The following NBEA variants were observed in gnomAD, a reference collection of about 807,000 sequenced individuals.
The protein encoded by NBEA is lysosomal-trafficking regulator 2.
Under a neutral mutation model 343.4 loss-of-function variants are expected in NBEA, and 44 were observed. The observed-to-expected ratio is 0.13, with a 90% CI of 0.10 to 0.16. NBEA has a LOEUF of 0.16. Ranked by LOEUF, NBEA falls within the 10% of genes least tolerant of loss-of-function variation. The pLI, the probability that NBEA is intolerant of heterozygous loss-of-function variation, is 1.00. For synonymous variants in NBEA, 1,175 were observed against 1,238.7 expected, an observed-to-expected ratio of 0.95 and a Z score of 1.08; for missense variants, 2,555 against 3,631.3, an observed-to-expected ratio of 0.70 and a Z score of 7.62.
intron 10 of NBEA, among the ~76,000 whole-genome samples, chr13:35,077,418 C>T (rs553178116): frequency 1.3e-5 from 2 of 152,170 alleles, no homozygotes; most frequent in African/African-American, 2.4e-5. Flanking sequence ...AACATTGTCT[C>T]CAGGCAGTCT....
chr13:35,535,616 C>T (rs930377167), intron 41 of NBEA, among the ~76,000 whole-genome samples: 8 of 152,228 alleles, frequency 5.3e-5, no homozygotes, highest in African/African-American at 1.9e-4. Context: ...GCTAACCTCC[C>T]CACTTGATAC....
intron 41 of NBEA, among the ~76,000 whole-genome samples, chr13:35,539,915 C>CTCAAAAAAAAAA (rs2078738803): frequency 2.5e-5 from 1 of 39,620 alleles, no homozygotes; most frequent in Non-Finnish European, 4.6e-5. Context: ...GACTCCGTCT[C>CTCAAAAAAAAAA]AAAAAAAAAA....
At chr13:34,946,546 A>G (rs1472080946) in intron 1 of NBEA, among the ~76,000 whole-genome samples, 1 of 152,026 alleles carries the variant, frequency 6.6e-6, no homozygotes, top group East Asian at 1.9e-4. Flanking sequence ...TTCTATGATT[A>G]TAATTATGGA....
intron 1 of NBEA, among the ~76,000 whole-genome samples, chr13:35,011,624 A>G (rs2061496506): frequency 6.6e-6 from 1 of 152,208 alleles, no homozygotes; most frequent in South Asian, 2.1e-4. Context: ...AGTTTAAGCT[A>G]TAGATTATGG....
intron 1 of NBEA, among the ~76,000 whole-genome samples, chr13:34,963,098 C>T (rs1179251435): frequency 3.9e-5 from 6 of 151,964 alleles, no homozygotes; most frequent in Admixed American, 1.3e-4. Context: ...TAGCAATGAT[C>T]TCTTTGGTTA....
intron 41 of NBEA, among the ~76,000 whole-genome samples, chr13:35,530,880 C>G (rs2078230999): frequency 6.6e-6 from 1 of 152,206 alleles, no homozygotes; most frequent in African/African-American, 2.4e-5. Context: ...GTCAAATACA[C>G]TGCTCTTTAG....
At chr13:35,249,191 C>T (rs535088687) in intron 34 of NBEA, among the ~76,000 whole-genome samples, 26 of 142,382 alleles carry the variant, frequency 1.8e-4, no homozygotes, top group Non-Finnish European at 3.6e-4. Flanking sequence ...ACATTGATGA[C>T]ATTGGATTTG....
chr13:35,343,720 G>T (rs771998278), intron 36 of NBEA, among the ~76,000 whole-genome samples: 3 of 151,992 alleles, frequency 2.0e-5, no homozygotes, highest in Non-Finnish European at 2.9e-5. Flanking sequence ...TGCATGCAAG[G>T]GATATAGGTT....
At chr13:35,193,710 A>T (rs2072371444) in intron 30 of NBEA, among the ~76,000 whole-genome samples, 1 of 151,934 alleles carries the variant, frequency 6.6e-6, no homozygotes, top group Non-Finnish European at 1.5e-5. Flanking sequence ...TCTTGGAAGC[A>T]GTAAAGAATC....
intron 54 of NBEA, 25 bp from the exon 55 acceptor site, chr13:35,655,554 C>T (rs1403002461): frequency 6.3e-7 from 1 of 1,594,604 alleles, no homozygotes; most frequent in Admixed American, 1.7e-5. Context: ...CTAAATGAAG[C>T]AAACCTGTCA....
At chr13:35,056,207 A>G in intron 7 of NBEA, 78 bp downstream of exon 7, 1 of 1,197,150 alleles carries the variant, frequency 8.4e-7, no homozygotes, top group Non-Finnish European at 1.1e-6. Context: ...TTAAATAATA[A>G]AATAGTTTGG....
At chr13:35,572,701 G>A (rs1273663685) in intron 45 of NBEA, among the ~76,000 whole-genome samples, 1 of 135,276 alleles carries the variant, frequency 7.4e-6, no homozygotes, top group Non-Finnish European at 1.6e-5. Flanking sequence ...CAGCAATCTA[G>A]AGCAAGTTGG....
chr13:35,354,762 C>G (rs1441819886), intron 38 of NBEA, among the ~76,000 whole-genome samples: 1 of 152,148 alleles, frequency 6.6e-6, no homozygotes, highest in African/African-American at 2.4e-5. Flanking sequence ...TATTCACTCT[C>G]TAGACAATTT....
chr13:35,008,232 A>G (rs1201607242), intron 1 of NBEA, among the ~76,000 whole-genome samples: 1 of 152,194 alleles, frequency 6.6e-6, no homozygotes, highest in South Asian at 2.1e-4. Context: ...ATTTAAAAGT[A>G]TACAGTTTAG....
chr13:35,048,055 C>G (rs762539658), intron 4 of NBEA, among the ~76,000 whole-genome samples: 9 of 151,768 alleles, frequency 5.9e-5, no homozygotes, highest in Non-Finnish European at 8.9e-5. Flanking sequence ...AAATGTCATA[C>G]TTTGCCTTTC....
intron 35 of NBEA, among the ~76,000 whole-genome samples, chr13:35,297,158 A>G (rs559185584): frequency 1.6e-4 from 24 of 152,170 alleles, no homozygotes; most frequent in African/African-American, 5.1e-4. Flanking sequence ...GTAACTCAAT[A>G]CAATTTTATT....
At chr13:34,969,158 G>A (rs1326466733) in intron 1 of NBEA, among the ~76,000 whole-genome samples, 1 of 151,946 alleles carries the variant, frequency 6.6e-6, no homozygotes, top group African/African-American at 2.4e-5. Flanking sequence ...ATAGTGAAAG[G>A]AATTAGAGCC....
intron 47 of NBEA, among the ~76,000 whole-genome samples, chr13:35,595,315 C>T (rs2081736836): frequency 6.6e-6 from 1 of 152,060 alleles, no homozygotes; most frequent in African/African-American, 2.4e-5. Context: ...TATCCTCAAG[C>T]AGCTGTACTG....
At chr13:35,257,040 GC>G (rs1209982542) in intron 34 of NBEA, among the ~76,000 whole-genome samples, 1 of 152,210 alleles carries the variant, frequency 6.6e-6, no homozygotes, top group African/African-American at 2.4e-5. Flanking sequence ...CTCCCCCACT[GC>G]AGTTGGTGTC....
Sources: gnomAD v4.1 joint callset for allele counts (sites outside exome capture counted in the v4.1 genomes callset) on GRCh38, gnomAD v4.1.1 for gene constraint, MANE v1.5 for transcripts, NCBI Gene and HGNC (gene_info 2026-07-23, HGNC 2026-07-21) for gene names.